NAA35: variants seen among roughly 807,000 people sequenced by gnomAD.
NAA35 encodes the protein N-alpha-acetyltransferase 35, NatC auxiliary subunit, also known as MAK10 homolog, amino-acid N-acetyltransferase subunit.
In NAA35, 18 loss-of-function variants were observed where a neutral mutation model predicts 101.7. The ratio of observed to expected loss-of-function variants is 0.18; its 90% CI spans 0.12 to 0.26. The LOEUF (loss-of-function observed/expected upper bound fraction) is 0.26, where lower values mean the gene tolerates loss of function less well. Among genes scored for constraint, NAA35 ranks in the 10% least tolerant of loss-of-function variants. NAA35 has a pLI of 1.00. For missense variants in NAA35, 601 were observed against 886.8 expected (o/e 0.68, Z 4.09); for synonymous variants, 267 against 273.1 (o/e 0.98, Z 0.22).
At chr9:85,996,375 T>G in intron 11 of NAA35, 24 bp from the exon 12 acceptor site, 5 of 1,530,716 alleles carry the variant, frequency 3.3e-6, no homozygotes, top group Non-Finnish European at 4.4e-6. Context: ...TTGAAAAATT[T>G]TACTTTCATT....
rs143604996 is a variant in NAA35, at chr9:85,983,159, G to T, written c.877+4778G>T. Among the ~76,000 whole-genome samples, 638 of 152,232 alleles carry T rather than the reference G, an allele frequency of 4.2e-3. 4 individuals carry two copies. The highest frequency in any genetic ancestry group is 0.015 in the African/African-American group (611 of 41,536). Reference sequence around the variant, plus strand: ...GGACAGAGGGATTCTGTACTTGAGGGTATATGAGGCCCAGTTGAAGGGTAC... The same window carrying T: ...GGACAGAGGGATTCTGTACTTGAGGTTATATGAGGCCCAGTTGAAGGGTAC... On this transcript the variant is annotated intron_variant, in intron 11 of 22. Coordinates refer to ENST00000361671, the MANE Select transcript of NAA35 (RefSeq NM_024635.4).
At chr9:85,974,817 A>G (rs954295858) in intron 6 of NAA35, 150 bp from the exon 7 acceptor site, 1 of 605,152 alleles carries the variant, frequency 1.7e-6, no homozygotes, top group Non-Finnish European at 2.9e-6. Flanking sequence ...TGTGTATCCT[A>G]GCAATATTTA....
chr9:85,962,898 C>A (rs1829582579), intron 6 of NAA35, among the ~76,000 whole-genome samples: 1 of 152,092 alleles, frequency 6.6e-6, no homozygotes, highest in African/African-American at 2.4e-5. Context: ...TTAGTTTGTC[C>A]TAAGTACCTC....
chr9:85,967,497 A>G (rs1829804512), intron 6 of NAA35, among the ~76,000 whole-genome samples: 1 of 152,076 alleles, frequency 6.6e-6, no homozygotes, highest in South Asian at 2.1e-4. Flanking sequence ...AAAGTCCTCA[A>G]GAGACCTAGT....
intron 6 of NAA35, among the ~76,000 whole-genome samples, chr9:85,972,856 T>C (rs1206402727): frequency 1.3e-5 from 2 of 152,170 alleles, no homozygotes; most frequent in East Asian, 3.8e-4. Context: ...ATAGGTGAAG[T>C]AGTAAATAAA....
chr9:85,947,434 A>G (rs1828820609), intron 2 of NAA35, among the ~76,000 whole-genome samples: 1 of 152,176 alleles, frequency 6.6e-6, no homozygotes, highest in African/African-American at 2.4e-5. Flanking sequence ...ATGGATGGAA[A>G]TTGTCCTGGC....
chr9:86,013,701 G>T lies in NAA35; in HGVS notation c.1390-18G>T. The T allele has an allele frequency of 6.2e-7, 1 of 1,605,790 alleles. No individual in the cohort carries two copies. Among genetic ancestry groups the T allele is most frequent in the South Asian group, 1.1e-5 (1 of 90,050 alleles). On this transcript the variant is annotated intron_variant, in intron 16 of 22. Coordinates refer to ENST00000361671, the MANE Select transcript of NAA35 (RefSeq NM_024635.4). ...AGAAAACAAAACGAACACAGTTTAT[G>T]ACATTTTATTTTAATAGGCAGAGAA... is the stretch of plus-strand genomic sequence containing the variant.
At chr9:85,955,066 C>T (rs1391621442) in intron 2 of NAA35, among the ~76,000 whole-genome samples, 1 of 151,576 alleles carries the variant, frequency 6.6e-6, no homozygotes, top group African/African-American at 2.4e-5. Context: ...TACAGGCACC[C>T]ACCACCACAC....
At chr9:85,955,360 A>ATATTTTTTTTTT (rs749448250) in intron 2 of NAA35, among the ~76,000 whole-genome samples, 1 of 53,940 alleles carries the variant, frequency 1.9e-5, no homozygotes, top group African/African-American at 7.7e-5. Context: ...ATATATATAT[A>ATATTTTTTTTTT]TTTTTTTTTT....
chr9:86,024,150 A>G lies in NAA35; in HGVS notation c.*2190A>G, dbSNP rs1188102001. On this transcript the variant is annotated 3_prime_UTR_variant, in exon 23 of 23. Transcript: ENST00000361671. ...CTTACGACAAATACAGAAAAGCAAC[A>G]GGTATTGAAAATGCAGTGAAGAATA... Among the ~76,000 whole-genome samples, 1 of 152,240 alleles carries G rather than the reference A, an allele frequency of 6.6e-6. No individual in the cohort carries two copies. Among genetic ancestry groups the G allele is most frequent in the African/African-American group, 2.4e-5 (1 of 41,456 alleles).
At chr9:85,964,377 T>C (rs1009161928) in intron 6 of NAA35, among the ~76,000 whole-genome samples, 1 of 152,214 alleles carries the variant, frequency 6.6e-6, no homozygotes, top group East Asian at 1.9e-4. Flanking sequence ...TGTGACACTT[T>C]AGTGTGTTTC....
chr9:86,017,325 A>G (rs1190126658), intron 18 of NAA35, among the ~76,000 whole-genome samples, 173 bp from the exon 19 acceptor site: 1 of 152,248 alleles, frequency 6.6e-6, no homozygotes, highest in Admixed American at 6.5e-5. Flanking sequence ...CATGATTATT[A>G]TATTTTATTT....
intron 12 of NAA35, among the ~76,000 whole-genome samples, chr9:85,999,860 G>A (rs949530566): frequency 6.6e-6 from 1 of 152,192 alleles, no homozygotes; most frequent in African/African-American, 2.4e-5. Flanking sequence ...GAACTGTGAA[G>A]ATGATAAATA....
chr9:86,007,346 A>G lies in NAA35; in HGVS notation c.1117-12A>G, dbSNP rs1214939523. On this transcript the variant is annotated splice_polypyrimidine_tract_variant and intron_variant, in intron 13 of 22. Transcript: ENST00000361671. The stretch of plus-strand genomic sequence containing the variant: ...CGTGACACCGTAACTAATATATAAC[A>G]TTTGTTTTAAGACCACTTTCCTGGT... 1.3e-6 allele frequency: 2 copies of G among 1,591,956 alleles called. No homozygotes were observed. Among genetic ancestry groups the G allele is most frequent in the Admixed American group, 1.7e-5 (1 of 59,840 alleles).
At chr9:86,017,090 C>T (rs1437833012) in intron 18 of NAA35, among the ~76,000 whole-genome samples, 1 of 152,222 alleles carries the variant, frequency 6.6e-6, no homozygotes, top group African/African-American at 2.4e-5. Context: ...GGACAGAGAA[C>T]CGTTTCAAAG....
chr9:86,016,494 C>G, intron 17 of NAA35, 45 bp from the exon 18 acceptor site: 1 of 1,566,158 alleles, frequency 6.4e-7, no homozygotes. Context: ...ATAAAGCTGT[C>G]TCATTTAGAC....
intron 13 of NAA35, among the ~76,000 whole-genome samples, chr9:86,005,466 G>T (rs1287538225): frequency 1.3e-5 from 2 of 152,184 alleles, no homozygotes; most frequent in African/African-American, 4.8e-5. Context: ...CTGAACATTG[G>T]AAATCTTAGC....
Position 85,979,283 on chromosome 9 carries a change from A to G in NAA35, c.877+902A>G, listed in dbSNP as rs375188659. Among the ~76,000 whole-genome samples the G allele has an allele frequency of 1.2e-4, 19 of 152,282 alleles. No individual in the cohort carries two copies. The South Asian group carries it at 3.7e-3, about 30-fold the overall frequency. On this transcript the variant is annotated intron_variant, in intron 11 of 22. Coordinates refer to ENST00000361671, the MANE Select transcript of NAA35 (RefSeq NM_024635.4). ...TCCATTGGCTGGAACAGGACCTTAC[A>G]TTTCTGTATTTGTCCCAATTGGCTA...
chr9:85,977,963 A>G (rs559885140), intron 10 of NAA35, among the ~76,000 whole-genome samples: 4 of 151,274 alleles, frequency 2.6e-5, no homozygotes, highest in Non-Finnish European at 4.4e-5. Context: ...GATGAATGAC[A>G]TGGTAGAATT....
Sources: gnomAD v4.1 joint callset for allele counts (sites outside exome capture counted in the v4.1 genomes callset) on GRCh38, gnomAD v4.1.1 for gene constraint, MANE v1.5 for transcripts, NCBI Gene and HGNC (gene_info 2026-07-23, HGNC 2026-07-21) for gene names.